Variants in PRDM6 observed in about 807,000 individuals in gnomAD.
The protein encoded by PRDM6 is putative histone-lysine N-methyltransferase PRDM6.
PRDM6 carries 25 observed loss-of-function variants against 60.8 expected under a neutral mutation model. That is an observed-to-expected ratio of 0.41 (90% confidence interval 0.30 to 0.57). The LOEUF is 0.57. Ranked by LOEUF, PRDM6 falls within the 20% of genes least tolerant of loss-of-function variation. The probability of loss-of-function intolerance (pLI) is 0.27; values close to 1 mark genes in which losing one functional copy is unlikely to be tolerated. For synonymous variants in PRDM6, 407 were observed against 357.4 expected (o/e 1.14, Z -1.57); for missense variants, 839 against 821.3 (o/e 1.02, Z -0.26).
intron 6 of PRDM6, among the ~76,000 whole-genome samples, chr5:123,176,037 G>A (rs186994569): frequency 1.3e-5 from 2 of 152,144 alleles, no homozygotes; most frequent in Admixed American, 1.3e-4. Flanking sequence ...CTTTCTTAAG[G>A]AGCACCTTTC....
rs337128 is a variant in PRDM6, at chr5:123,105,787, A to T, written c.900+5826A>T. ...ACACAGGAAATACAGACTTCGGTAT[A>T]AGTACTTAGCATAAAAGTCAGAGAA... On this transcript the variant is annotated intron_variant, in intron 3 of 7. Transcript: ENST00000407847. Among the ~76,000 whole-genome samples, 8 of 152,174 alleles carry T rather than the reference A, an allele frequency of 5.3e-5. No homozygotes were observed. In the South Asian group the frequency reaches 1.4e-3, roughly 28 times the overall value.
intron 6 of PRDM6, among the ~76,000 whole-genome samples, chr5:123,176,344 G>GT (rs1337257631): frequency 6.7e-6 from 1 of 149,692 alleles, no homozygotes; most frequent in African/African-American, 2.5e-5. Flanking sequence ...GAGGCATACT[G>GT]TTTGCCTTTG....
chr5:123,095,319 C>G (rs570365757), intron 2 of PRDM6, among the ~76,000 whole-genome samples: 2 of 152,374 alleles, frequency 1.3e-5, no homozygotes, highest in East Asian at 3.9e-4. Flanking sequence ...CAGCCTTCGG[C>G]GCTGAGGCCT....
intron 3 of PRDM6, among the ~76,000 whole-genome samples, chr5:123,129,926 G>C (rs1290876347): frequency 6.6e-6 from 1 of 152,060 alleles, no homozygotes; most frequent in African/African-American, 2.4e-5. Flanking sequence ...CTGATTGGCA[G>C]CTTGCCTGCC....
intron 3 of PRDM6, among the ~76,000 whole-genome samples, chr5:123,125,463 G>A (rs1185272763): frequency 1.3e-5 from 2 of 152,170 alleles, no homozygotes; most frequent in Non-Finnish European, 2.9e-5. Context: ...ATCAAGCTGC[G>A]TAGCACAGTT....
chr5:123,133,266 G>A (rs1764875689), intron 3 of PRDM6, among the ~76,000 whole-genome samples: 1 of 152,054 alleles, frequency 6.6e-6, no homozygotes, highest in African/African-American at 2.4e-5. Flanking sequence ...AAGCAAAGGG[G>A]ATAGAAGCAG....
chr5:123,188,153 A>G lies in PRDM6; in HGVS notation c.*952A>G, dbSNP rs1050460174. On this transcript the variant is annotated 3_prime_UTR_variant, in exon 8 of 8. Transcript: ENST00000407847. ...CAAACCCCATCGTCAAGGCCCTTTTAGCAATTTTATCTTTCTTCCTCTTGC... is the reference window on the plus strand; with the variant it reads ...CAAACCCCATCGTCAAGGCCCTTTTGGCAATTTTATCTTTCTTCCTCTTGC... 1 of 152,182 alleles carries G rather than the reference A, an allele frequency of 6.6e-6. No homozygotes were observed. The highest frequency in any genetic ancestry group is 2.4e-5 in the African/African-American group (1 of 41,436). The allele number at this position is 152,182 out of a possible 1,614,324, so 9.4% of individuals were successfully genotyped here.
intron 3 of PRDM6, among the ~76,000 whole-genome samples, chr5:123,111,706 A>C (rs1280828866): frequency 9.8e-6 from 1 of 102,102 alleles, no homozygotes; most frequent in African/African-American, 3.1e-5. Flanking sequence ...ACAAAACAAA[A>C]CAAAAAAAAA....
At chr5:123,164,135 C>G (rs902801979) in intron 5 of PRDM6, among the ~76,000 whole-genome samples, 1 of 151,764 alleles carries the variant, frequency 6.6e-6, no homozygotes, top group Admixed American at 6.6e-5. Context: ...AGGCCCTGTC[C>G]TGGAGGAGCT....
At chr5:123,135,227 T>C (rs1764928749) in intron 3 of PRDM6, among the ~76,000 whole-genome samples, 1 of 152,198 alleles carries the variant, frequency 6.6e-6, no homozygotes, top group Non-Finnish European at 1.5e-5. Flanking sequence ...CATATTAACA[T>C]GAATGAAGCT....
chr5:123,090,184 C>G lies in PRDM6; in HGVS notation c.170C>G (p.Pro57Arg), dbSNP rs1471625290. The G allele has an allele frequency of 1.3e-6, 2 of 1,487,268 alleles. No individual in the cohort carries two copies. The highest frequency in any genetic ancestry group is 1.8e-6 in the Non-Finnish European group (2 of 1,122,578). The allele number at this position is 1,487,268 out of a possible 1,614,324, so 92.1% of individuals were successfully genotyped here. A position where few individuals can be genotyped will look rare whatever the true frequency, so the allele number is the denominator to read the frequency against. ...PQPLQPPPPPPPPERAEPPPD... is the reference protein window; with the variant it reads ...PQPLQPPPPPRPPERAEPPPD... ...CCTCTTCAGCCGCCGCCGCCGCCCC[C>G]GCCCCCGGAGCGCGCTGAGCCTCCG... is the stretch of plus-strand genomic sequence containing the variant. The change falls in exon 2 of 8, where the codon CCG becomes CGG. Residue 57 changes from proline (P) to arginine (R), a missense_variant. By Grantham distance (103) the Pro-to-Arg change is moderately radical. This residue lies in a region of PRDM6 where 730 missense variants were observed against 648.8 expected (regional missense o/e 1.13). Transcript: ENST00000407847.
intron 3 of PRDM6, among the ~76,000 whole-genome samples, chr5:123,110,177 A>G (rs1033330198): frequency 6.6e-6 from 1 of 152,222 alleles, no homozygotes; most frequent in African/African-American, 2.4e-5. Flanking sequence ...TAGATGAAAA[A>G]ATAAACATAA....
intron 6 of PRDM6, among the ~76,000 whole-genome samples, chr5:123,172,545 T>C (rs1463984924): frequency 6.6e-6 from 1 of 152,198 alleles, no homozygotes; most frequent in Non-Finnish European, 1.5e-5. Context: ...TTGCCTTCCT[T>C]GCAAGTATAC....
At chr5:123,100,987 T>A (rs1229246326) in intron 3 of PRDM6, among the ~76,000 whole-genome samples, 1 of 152,176 alleles carries the variant, frequency 6.6e-6, no homozygotes, top group Non-Finnish European at 1.5e-5. Flanking sequence ...AAAATAAAGT[T>A]TCTTAAATGC....
intron 3 of PRDM6, among the ~76,000 whole-genome samples, chr5:123,136,732 A>G (rs2126856711): frequency 6.6e-6 from 1 of 152,290 alleles, no homozygotes; most frequent in African/African-American, 2.4e-5. Flanking sequence ...TTTAGGCAAA[A>G]GACTGCATGT....
At chr5:123,139,222 A>G (rs772984573) in intron 3 of PRDM6, among the ~76,000 whole-genome samples, 2 of 152,208 alleles carry the variant, frequency 1.3e-5, no homozygotes, top group South Asian at 2.1e-4. Context: ...GTGAAAACAG[A>G]CTAATATAGT....
intron 6 of PRDM6, among the ~76,000 whole-genome samples, chr5:123,179,191 A>G (rs565414576): frequency 5.9e-5 from 9 of 152,356 alleles, no homozygotes; most frequent in African/African-American, 1.9e-4. Context: ...ATGAAAACCA[A>G]AAATTGATTT....
intron 3 of PRDM6, among the ~76,000 whole-genome samples, chr5:123,124,824 T>C (rs1291566796): frequency 6.6e-6 from 1 of 152,196 alleles, no homozygotes; most frequent in Non-Finnish European, 1.5e-5. Flanking sequence ...CTACGACCTC[T>C]GAAAGGATAT....
intron 3 of PRDM6, among the ~76,000 whole-genome samples, chr5:123,133,612 T>A (rs1764885217): frequency 2.0e-5 from 3 of 152,066 alleles, no homozygotes; most frequent in African/African-American, 7.2e-5. Flanking sequence ...CAATAGTGTG[T>A]TTGTTTATAT....
Sources: allele counts gnomAD v4.1 joint callset (sites outside exome capture counted in the v4.1 genomes callset), GRCh38; gene constraint gnomAD v4.1.1; regional missense constraint gnomAD v4.1.1; transcripts MANE v1.5; gene names NCBI Gene and HGNC (gene_info 2026-07-23, HGNC 2026-07-21).